PHF14: variants seen among roughly 807,000 people sequenced by gnomAD.
The protein encoded by PHF14 is PHD finger protein 14.
Under a neutral mutation model 117.9 loss-of-function variants are expected in PHF14, and 55 were observed. That is an observed-to-expected ratio of 0.47 (90% CI 0.38 to 0.58). PHF14 has a LOEUF of 0.58. Among genes scored for constraint, PHF14 ranks in the 20% least tolerant of loss-of-function variants. The pLI is 0.00. For synonymous variants in PHF14, 409 were observed against 368.6 expected (o/e 1.11, Z -1.26); for missense variants, 978 against 1,122.2 (o/e 0.87, Z 1.84).
chr7:11,070,713 A>G (rs906896914), intron 16 of PHF14, among the ~76,000 whole-genome samples: 17 of 152,206 alleles, frequency 1.1e-4, no homozygotes, highest in African/African-American at 3.4e-4. Context: ...TTGTCTGTCA[A>G]TTAATTTACT....
intron 17 of PHF14, among the ~76,000 whole-genome samples, chr7:11,125,372 C>T (rs10266525): frequency 0.031 from 4,650 of 152,158 alleles, 238 homozygotes; most frequent in African/African-American, 0.11. Context: ...TGTACACTGG[C>T]AGTTTTTGTA....
At chr7:10,978,880 G>A (rs1378321348) in intron 2 of PHF14, among the ~76,000 whole-genome samples, 1 of 152,116 alleles carries the variant, frequency 6.6e-6, no homozygotes, top group Non-Finnish European at 1.5e-5. Context: ...AACTAGAATC[G>A]GAAGTGGAGG....
chr7:10,974,754 C>G (rs1781804358), intron 1 of PHF14, 81 bp from the exon 2 acceptor site: 2 of 747,842 alleles, frequency 2.7e-6, no homozygotes, highest in Non-Finnish European at 4.5e-6. Flanking sequence ...GCGAGGTCAT[C>G]TTTATGTTCT....
chr7:11,030,641 G>C (rs1199409898), intron 7 of PHF14, among the ~76,000 whole-genome samples: 2 of 152,082 alleles, frequency 1.3e-5, no homozygotes, highest in African/African-American at 4.8e-5. Flanking sequence ...GCTAATTTGA[G>C]GAAATTTACA....
At chr7:11,071,980 G>A (rs576707651) in intron 16 of PHF14, among the ~76,000 whole-genome samples, 6 of 152,298 alleles carry the variant, frequency 3.9e-5, no homozygotes, top group African/African-American at 1.4e-4. Flanking sequence ...TTGAGAGGCA[G>A]TACTGTAAAA....
Position 11,038,740 on chromosome 7 carries a change from TA to T in PHF14, c.1981-18del, listed in dbSNP as rs777277736. 10 of 1,079,926 alleles carry T rather than the reference TA, an allele frequency of 9.3e-6. No individual in the cohort carries two copies. The highest frequency in any genetic ancestry group is 1.4e-5 in the Non-Finnish European group (10 of 730,058). 66.9% of individuals were successfully genotyped at this position (1,079,926 alleles called of 1,614,324 possible). A position where few individuals can be genotyped will look rare whatever the true frequency, so the allele number is the denominator to read the frequency against. On this transcript the variant is annotated intron_variant, in intron 10 of 17. Coordinates refer to ENST00000634607, the MANE Select transcript of PHF14 (RefSeq NM_001007157.2). ...TGTCAGATATTTTAATGAAGTTTAC[TA>T]ATTTGGCTTACTTTGTAGCTATGTG...
At chr7:11,155,022 C>T (rs1253945298) in intron 17 of PHF14, among the ~76,000 whole-genome samples, 1 of 152,016 alleles carries the variant, frequency 6.6e-6, no homozygotes, top group East Asian at 1.9e-4. Context: ...CTGTAGGTAC[C>T]TATCTTCACT....
intron 17 of PHF14, among the ~76,000 whole-genome samples, chr7:11,145,293 C>G: frequency 2.8e-4 from 1 of 3,558 alleles, no homozygotes; most frequent in Non-Finnish European, 4.8e-4. Flanking sequence ...CTCTTTTTCT[C>G]TCTTTTTTAA....
intron 13 of PHF14, among the ~76,000 whole-genome samples, chr7:11,051,263 G>T (rs909493187): frequency 1.3e-5 from 2 of 151,454 alleles, no homozygotes; most frequent in African/African-American, 4.9e-5. Context: ...CAGTCATCCT[G>T]CCTCAGTCTC....
chr7:10,975,533 A>G (rs961919274), intron 2 of PHF14, among the ~76,000 whole-genome samples: 2 of 152,180 alleles, frequency 1.3e-5, no homozygotes, highest in African/African-American at 4.8e-5. Context: ...TAAAGGTCGT[A>G]TATTCACATT....
At chr7:11,025,238 T>C (rs1783866748) in intron 6 of PHF14, among the ~76,000 whole-genome samples, 1 of 152,188 alleles carries the variant, frequency 6.6e-6, no homozygotes. Flanking sequence ...TTACTTCTCA[T>C]GGATGAGTGA....
intron 16 of PHF14, among the ~76,000 whole-genome samples, chr7:11,075,963 C>CT (rs1331487850): frequency 6.6e-6 from 1 of 151,934 alleles, no homozygotes; most frequent in Non-Finnish European, 1.5e-5. Flanking sequence ...AACCCCGTCT[C>CT]TACCAAAAAA....
At chr7:11,000,190 C>T (rs375818397) in intron 4 of PHF14, among the ~76,000 whole-genome samples, 3 of 152,098 alleles carry the variant, frequency 2.0e-5, no homozygotes, top group Admixed American at 6.6e-5. Context: ...TAAAAAATTA[C>T]GCTACTACTT....
chr7:11,049,078 C>G (rs77117259), intron 13 of PHF14, among the ~76,000 whole-genome samples: 35 of 152,126 alleles, frequency 2.3e-4, no homozygotes, highest in East Asian at 1.5e-3. Flanking sequence ...TAAAACAAAA[C>G]AAAACAATGA....
intron 17 of PHF14, among the ~76,000 whole-genome samples, chr7:11,133,669 A>G (rs934619291): frequency 3.9e-5 from 6 of 151,924 alleles, no homozygotes; most frequent in Non-Finnish European, 7.4e-5. Flanking sequence ...AGAACATGCA[A>G]TATGGAGTTT....
intron 16 of PHF14, among the ~76,000 whole-genome samples, chr7:11,081,499 G>A (rs1786099515): frequency 6.6e-6 from 1 of 152,056 alleles, no homozygotes; most frequent in African/African-American, 2.4e-5. Flanking sequence ...CCCTTATTCA[G>A]CCATTTTTTA....
At chr7:11,060,343 C>T (rs1262391400) in intron 14 of PHF14, among the ~76,000 whole-genome samples, 1 of 151,992 alleles carries the variant, frequency 6.6e-6, no homozygotes, top group East Asian at 1.9e-4. Context: ...ATGGTCCTTA[C>T]CAAATTGGGA....
chr7:10,993,592 C>A (rs1216255869), intron 4 of PHF14, among the ~76,000 whole-genome samples: 2 of 152,164 alleles, frequency 1.3e-5, no homozygotes, highest in Non-Finnish European at 1.5e-5. Context: ...AGGCAGTAAA[C>A]AAACCAATAA....
chr7:11,063,358 T>C, intron 16 of PHF14: 4 of 984,170 alleles, frequency 4.1e-6, no homozygotes, highest in Non-Finnish European at 4.8e-6. Flanking sequence ...TTTTGCAATA[T>C]GTCGAAAATG....
Sources: allele counts gnomAD v4.1 joint callset (sites outside exome capture counted in the v4.1 genomes callset), GRCh38; gene constraint gnomAD v4.1.1; transcripts MANE v1.5; gene names NCBI Gene and HGNC (gene_info 2026-07-23, HGNC 2026-07-21).